The following CNTNAP2 variants were observed in gnomAD, a reference collection of about 807,000 sequenced individuals.
CNTNAP2 encodes contactin associated protein 2, also known as contactin-associated protein-like 2.
In CNTNAP2, 98 loss-of-function variants were observed where a neutral mutation model predicts 155.2. The ratio of observed to expected loss-of-function variants is 0.63; its 90% CI spans 0.54 to 0.75. The LOEUF (loss-of-function observed/expected upper bound fraction) is 0.75, where lower values mean the gene tolerates loss of function less well. Among genes scored for constraint, CNTNAP2 ranks in the 30% least tolerant of loss-of-function variants. The pLI is 0.00. For synonymous variants in CNTNAP2, 651 were observed against 631.2 expected (o/e 1.03, Z -0.47); for missense variants, 1,727 against 1,688.1 (o/e 1.02, Z -0.40).
At chr7:146,924,769 T>A (rs2129220963) in intron 3 of CNTNAP2, among the ~76,000 whole-genome samples, 1 of 152,228 alleles carries the variant, frequency 6.6e-6, no homozygotes, top group Admixed American at 6.5e-5. Context: ...CTGAAGAGTT[T>A]TTTGTTTGTT....
At chr7:147,735,242 A>C (rs1796820792) in intron 13 of CNTNAP2, among the ~76,000 whole-genome samples, 1 of 152,154 alleles carries the variant, frequency 6.6e-6, no homozygotes, top group South Asian at 2.1e-4. Flanking sequence ...CATTGGTTTC[A>C]AAGAACATCT....
At chr7:146,937,798 G>A (rs994719122) in intron 3 of CNTNAP2, among the ~76,000 whole-genome samples, 1 of 152,162 alleles carries the variant, frequency 6.6e-6, no homozygotes, top group African/African-American at 2.4e-5. Context: ...GTTTATTCAA[G>A]CACAAAGTTT....
chr7:148,159,996 T>C (rs1208992263), intron 17 of CNTNAP2, among the ~76,000 whole-genome samples: 1 of 152,160 alleles, frequency 6.6e-6, no homozygotes, highest in Admixed American at 6.5e-5. Flanking sequence ...CCCAGCACTT[T>C]GGAAGGCTGA....
At chr7:146,218,227 C>A (rs551673983) in intron 1 of CNTNAP2, among the ~76,000 whole-genome samples, 1 of 152,138 alleles carries the variant, frequency 6.6e-6, no homozygotes, top group South Asian at 2.1e-4. Context: ...ACATTGCCAT[C>A]GGCCGGGCGC....
At chr7:147,507,454 G>A (rs1798926032) in intron 11 of CNTNAP2, among the ~76,000 whole-genome samples, 1 of 151,498 alleles carries the variant, frequency 6.6e-6, no homozygotes, top group Admixed American at 6.6e-5. Context: ...TATATCACTG[G>A]ATCGACTCTT....
At chr7:147,162,417 ATAAT>A (rs1802044450) in intron 8 of CNTNAP2, among the ~76,000 whole-genome samples, 1 of 152,228 alleles carries the variant, frequency 6.6e-6, no homozygotes, top group Admixed American at 6.5e-5. Flanking sequence ...TGATCTGTTA[ATAAT>A]TAGTCAATCC....
intron 13 of CNTNAP2, among the ~76,000 whole-genome samples, chr7:147,710,574 A>G (rs1796388105): frequency 6.6e-6 from 1 of 152,056 alleles, no homozygotes; most frequent in Non-Finnish European, 1.5e-5. Context: ...TAATGCATTT[A>G]TTTCCATTGG....
intron 20 of CNTNAP2, among the ~76,000 whole-genome samples, chr7:148,250,843 C>T (rs1023947464): frequency 7.2e-5 from 11 of 152,080 alleles, no homozygotes; most frequent in African/African-American, 2.7e-4. Flanking sequence ...TTTTGTTTTG[C>T]TTTGTTTTTT....
At chr7:148,048,737 C>T (rs1802823820) in intron 15 of CNTNAP2, among the ~76,000 whole-genome samples, 1 of 152,116 alleles carries the variant, frequency 6.6e-6, no homozygotes, top group Non-Finnish European at 1.5e-5. Flanking sequence ...GCTAAAAAAC[C>T]AGAAGCAAAC....
intron 3 of CNTNAP2, among the ~76,000 whole-genome samples, chr7:146,934,620 A>T (rs111331437): frequency 0.041 from 6,207 of 152,276 alleles, 144 homozygotes; most frequent in Middle Eastern, 0.088. Context: ...AAATTGTTCA[A>T]TTCAAATTTT....
At chr7:146,352,687 A>G (rs1794931917) in intron 1 of CNTNAP2, among the ~76,000 whole-genome samples, 2 of 99,688 alleles carry the variant, frequency 2.0e-5, no homozygotes, top group Admixed American at 1.1e-4. Context: ...AACAATGACA[A>G]CTGAGGTAAA....
At chr7:148,232,132 C>T (rs1325126044) in intron 20 of CNTNAP2, among the ~76,000 whole-genome samples, 3 of 152,234 alleles carry the variant, frequency 2.0e-5, no homozygotes, top group East Asian at 1.9e-4. Flanking sequence ...CTCAGCCCAG[C>T]CTGTCCCATC....
chr7:147,064,852 C>G (rs1799749083), intron 4 of CNTNAP2, among the ~76,000 whole-genome samples: 1 of 152,102 alleles, frequency 6.6e-6, no homozygotes, highest in African/African-American at 2.4e-5. Context: ...CAGAAAGACA[C>G]AGATTTTTAG....
intron 15 of CNTNAP2, among the ~76,000 whole-genome samples, chr7:148,059,218 G>A (rs1168877576): frequency 2.6e-5 from 4 of 152,130 alleles, no homozygotes; most frequent in Non-Finnish European, 4.4e-5. Context: ...AACCCAAGAC[G>A]TGGAGGTTGC....
intron 3 of CNTNAP2, among the ~76,000 whole-genome samples, chr7:146,997,040 A>T (rs1798324746): frequency 6.6e-6 from 1 of 152,108 alleles, no homozygotes; most frequent in Admixed American, 6.6e-5. Context: ...CTCCCCAGCC[A>T]CATGGAACTC....
chr7:147,668,893 G>C (rs1450458780), intron 13 of CNTNAP2, among the ~76,000 whole-genome samples: 3 of 152,082 alleles, frequency 2.0e-5, no homozygotes, highest in African/African-American at 7.2e-5. Context: ...ACCACTCACT[G>C]ACTCACTCAG....
chr7:147,856,613 G>A (rs915279814), intron 13 of CNTNAP2, among the ~76,000 whole-genome samples: 5 of 142,742 alleles, frequency 3.5e-5, no homozygotes, highest in African/African-American at 1.0e-4. Flanking sequence ...CCGTAATTAT[G>A]TTAGAATTAG....
intron 8 of CNTNAP2, among the ~76,000 whole-genome samples, chr7:147,194,789 T>C (rs936987223): frequency 6.6e-6 from 1 of 152,350 alleles, no homozygotes; most frequent in African/African-American, 2.4e-5. Context: ...CTGGTAAATT[T>C]GTTTAAGTTA....
At chr7:147,223,503 G>T (rs1479248640) in intron 8 of CNTNAP2, among the ~76,000 whole-genome samples, 1 of 152,112 alleles carries the variant, frequency 6.6e-6, no homozygotes, top group Non-Finnish European at 1.5e-5. Context: ...CCTGTCCTCG[G>T]CTTTATACCC....
Sources: gnomAD v4.1 joint callset for allele counts (sites outside exome capture counted in the v4.1 genomes callset) on GRCh38, gnomAD v4.1.1 for gene constraint, MANE v1.5 for transcripts, NCBI Gene and HGNC (gene_info 2026-07-23, HGNC 2026-07-21) for gene names.